The following PRH1 variants were observed in gnomAD, a reference collection of about 807,000 sequenced individuals.
The protein encoded by PRH1 is salivary acidic proline-rich phosphoprotein 1/2.
Under a neutral mutation model 7.9 loss-of-function variants are expected in PRH1, and 7 were observed. The ratio of observed to expected loss-of-function variants is 0.89; its 90% CI spans 0.50 to 1.67. The LOEUF is 1.67. Among genes scored for constraint, PRH1 ranks in the 40% most tolerant of loss-of-function variants. PRH1 has a pLI of 0.00. For synonymous variants in PRH1, 45 were observed against 80.8 expected (o/e 0.56, Z 2.38); for missense variants, 109 against 223.6 (o/e 0.49, Z 3.27).
intron 1 of PRH1, among the ~76,000 whole-genome samples, chr12:10,983,918 T>G (rs1019899467): frequency 6.6e-6 from 1 of 152,344 alleles, no homozygotes; most frequent in Admixed American, 6.5e-5. Flanking sequence ...ACATCAGACA[T>G]TGGCTCTAGT....
intron 1 of PRH1, among the ~76,000 whole-genome samples, chr12:11,027,520 C>T (rs1437345210): frequency 1.3e-5 from 2 of 152,212 alleles, no homozygotes; most frequent in African/African-American, 4.8e-5. Flanking sequence ...CCTATCACTA[C>T]AAAAGAGACA....
intron 1 of PRH1, among the ~76,000 whole-genome samples, chr12:11,063,002 A>G (rs897125927): frequency 6.6e-6 from 1 of 152,084 alleles, no homozygotes; most frequent in East Asian, 1.9e-4. Flanking sequence ...ATCAGTTCCA[A>G]AATAAAAAAA....
chr12:11,115,461 A>G (rs1169398948), intron 1 of PRH1, among the ~76,000 whole-genome samples: 1 of 152,210 alleles, frequency 6.6e-6, no homozygotes, highest in African/African-American at 2.4e-5. Flanking sequence ...GGAGACTTCA[A>G]CACTCCACTT....
chr12:10,897,773 T>C (rs1949669282), intron 2 of PRH1, among the ~76,000 whole-genome samples: 1 of 152,170 alleles, frequency 6.6e-6, no homozygotes, highest in South Asian at 2.1e-4. Flanking sequence ...CACTCACTAT[T>C]GCCACACCAC....
chr12:11,031,357 T>A, intron 1 of PRH1: 1 of 1,573,786 alleles, frequency 6.4e-7, no homozygotes, highest in East Asian at 2.3e-5. Context: ...CAAAAAAAAA[T>A]TGTTTTAATG....
intron 1 of PRH1, among the ~76,000 whole-genome samples, chr12:11,090,755 T>C (rs1423485517): frequency 1.7e-5 from 2 of 116,830 alleles, no homozygotes; most frequent in Admixed American, 8.6e-5. Flanking sequence ...CATAATGGAA[T>C]AAAACACCGA....
chr12:10,950,445 A>G (rs3851589), intron 2 of PRH1, among the ~76,000 whole-genome samples: 35,779 of 151,798 alleles, frequency 0.24, 4,286 homozygotes, highest in Non-Finnish European at 0.25. Context: ...ACATTTTACA[A>G]TTTAAATTCA....
chr12:11,021,841 C>G, intron 1 of PRH1: 2 of 1,614,254 alleles, frequency 1.2e-6, no homozygotes, highest in Non-Finnish European at 1.7e-6. Context: ...TGTGATTATA[C>G]ACAGAAAGTA....
chr12:11,092,568 T>A lies in PRH1; in HGVS notation n.124-45380A>T, dbSNP rs1480153155. On this transcript the variant is annotated intron_variant and non_coding_transcript_variant, in intron 1 of 4. Transcript: ENST00000541977. The stretch of plus-strand genomic sequence containing the variant: ...ATCAATCCTCCCTCCGACTGGCTAC[T>A]TTTAGGATCCTGTTGATTGGTGCAT... 1.8e-5 allele frequency among the ~76,000 whole-genome samples: 2 copies of A among 111,872 alleles called. 1 individual carries two copies. The highest frequency in any genetic ancestry group is 4.3e-4 in the East Asian group (2 of 4,664). 73.4% of individuals were successfully genotyped at this position (111,872 alleles called of 152,430 possible). A position where few individuals can be genotyped will look rare whatever the true frequency, so the allele number is the denominator to read the frequency against.
At chr12:10,991,134 G>T (rs1158120439) in intron 1 of PRH1, among the ~76,000 whole-genome samples, 1 of 152,108 alleles carries the variant, frequency 6.6e-6, no homozygotes, top group Non-Finnish European at 1.5e-5. Flanking sequence ...AGTAACTAAG[G>T]TTATGACTAG....
intron 1 of PRH1, among the ~76,000 whole-genome samples, chr12:11,156,687 G>T (rs939198873): frequency 2.0e-5 from 3 of 152,042 alleles, no homozygotes; most frequent in African/African-American, 7.2e-5. Flanking sequence ...GTGGTAGAAA[G>T]AAACTTTCAC....
intron 2 of PRH1, among the ~76,000 whole-genome samples, chr12:10,958,567 A>T (rs1468225533): frequency 6.6e-6 from 1 of 152,192 alleles, no homozygotes; most frequent in African/African-American, 2.4e-5. Flanking sequence ...AAAGCTAAAA[A>T]AAGAAAAAAA....
At chr12:10,883,343 C>A (rs949421005) in intron 1 of PRH1, among the ~76,000 whole-genome samples, 1 of 152,134 alleles carries the variant, frequency 6.6e-6, no homozygotes, top group Non-Finnish European at 1.5e-5. Flanking sequence ...ATTCCCCAAG[C>A]CTTGATGAGG....
chr12:11,044,565 A>T (rs117653258), intron 1 of PRH1, among the ~76,000 whole-genome samples: 477 of 152,326 alleles, frequency 3.1e-3, no homozygotes, highest in East Asian at 0.023. Flanking sequence ...TAATAACCAG[A>T]ATATAAAAGG....
In PRH1 at chr12:10,994,509, CAG is replaced by C. The variant is rs1940112386; in HGVS notation, c.-125-20790_-125-20789del. 2.6e-5 allele frequency among the ~76,000 whole-genome samples: 4 copies of C among 152,188 alleles called. 1 individual carries two copies. In the South Asian group the frequency reaches 6.2e-4, roughly 24 times the overall value. On this transcript the variant is annotated intron_variant, in intron 1 of 3. Coordinates refer to the PRH1 transcript ENST00000539853. ...CACATCATTGTGAAGTGGTCGTCAG[CAG>C]AGTCATATCACACATTACAGCACAT... is the stretch of plus-strand genomic sequence containing the variant.
At chr12:10,992,592 T>C (rs4132154) in intron 1 of PRH1, among the ~76,000 whole-genome samples, 3 of 151,952 alleles carry the variant, frequency 2.0e-5, no homozygotes, top group African/African-American at 7.3e-5. Flanking sequence ...GTTTATTTTC[T>C]TTAACAAACA....
intron 1 of PRH1, among the ~76,000 whole-genome samples, chr12:11,141,761 A>G (rs1209010079): frequency 1.3e-5 from 2 of 152,172 alleles, no homozygotes; most frequent in Non-Finnish European, 2.9e-5. Context: ...TACTTGATAC[A>G]TAAAAGATAC....
intron 1 of PRH1, among the ~76,000 whole-genome samples, chr12:11,114,449 A>C: frequency 6.6e-6 from 1 of 152,186 alleles, no homozygotes; most frequent in Non-Finnish European, 1.5e-5. Flanking sequence ...TGGGAGCTAA[A>C]CAATGAGAAC....
In PRH1 at chr12:11,091,233, T is replaced by A. The variant is rs144713582; in HGVS notation, n.124-44045A>T. The A allele has an allele frequency of 3.7e-6, 4 of 1,079,138 alleles. 2 individuals are homozygous for A. The highest frequency in any genetic ancestry group is 5.2e-6 in the Non-Finnish European group (4 of 769,048). The allele number at this position is 1,079,138 out of a possible 1,614,324, so 66.8% of individuals were successfully genotyped here. ...ACAGTATAGAAAAACCAGTAAGAAA[T>A]ATAAAATGTTTCATACACCACCAGT... On this transcript the variant is annotated intron_variant and non_coding_transcript_variant, in intron 1 of 4. Coordinates refer to the PRH1 transcript ENST00000541977.
Sources: allele counts gnomAD v4.1 joint callset (sites outside exome capture counted in the v4.1 genomes callset), GRCh38; gene constraint gnomAD v4.1.1; transcripts MANE v1.5; gene names NCBI Gene and HGNC (gene_info 2026-07-23, HGNC 2026-07-21).